The following ZC3H13 variants were observed in gnomAD, a reference collection of about 807,000 sequenced individuals.
ZC3H13 encodes zinc finger CCCH-type containing 13.
Under a neutral mutation model 204.1 loss-of-function variants are expected in ZC3H13, and 64 were observed. The observed-to-expected ratio is 0.31, with a 90% CI of 0.26 to 0.39. ZC3H13 has a LOEUF of 0.39. ZC3H13 is among the 10% of genes least tolerant of loss of function. ZC3H13 has a pLI of 1.00. For synonymous variants in ZC3H13, 667 were observed against 693.7 expected (o/e 0.96, Z 0.60); for missense variants, 1,833 against 2,082.7 (o/e 0.88, Z 2.33).
chr13:45,985,407 T>G lies in ZC3H13; in HGVS notation c.1610A>C (p.Glu537Ala). 2 of 1,614,224 alleles carry G rather than the reference T, an allele frequency of 1.2e-6. No individual in the cohort carries two copies. The highest frequency in any genetic ancestry group is 1.7e-6 in the Non-Finnish European group (2 of 1,180,024). ...RSYGRNHLRE[E>A]SSRTEIRNES... is the part of the protein sequence containing the mutation. ...ATTCCTTATTTCCGTACGAGAACTT[T>G]CTTCTCTCAAATGGTTTCGGCCATA... The change falls in exon 10 of 19, where the codon GAA becomes GCA. Residue 537 changes from glutamate to alanine, a missense_variant. Coordinates refer to ENST00000679008, the MANE Select transcript of ZC3H13 (RefSeq NM_001330564.2).
At chr13:46,032,173 T>C (rs2042938210) in intron 4 of ZC3H13, among the ~76,000 whole-genome samples, 1 of 152,136 alleles carries the variant, frequency 6.6e-6, no homozygotes, top group Admixed American at 6.5e-5. Context: ...GTCCTGCATA[T>C]GCTGGGGGAG....
chr13:46,045,605 G>A (rs1280155582), intron 1 of ZC3H13, 89 bp from the exon 2 acceptor site: 6 of 846,412 alleles, frequency 7.1e-6, no homozygotes, highest in Non-Finnish European at 1.2e-5. Context: ...AAAACTATAG[G>A]TAACAGTGTA....
At chr13:46,048,003 C>T (rs1371342259) in intron 1 of ZC3H13, among the ~76,000 whole-genome samples, 1 of 152,106 alleles carries the variant, frequency 6.6e-6, no homozygotes, top group African/African-American at 2.4e-5. Context: ...TCTCTACTAC[C>T]CCCAACATGC....
chr13:45,970,404 G>A lies in ZC3H13; in HGVS notation c.2530C>T (p.His844Tyr), dbSNP rs775395723. 6.2e-7 allele frequency: 1 copy of A among 1,613,978 alleles called. No homozygotes were observed. The highest frequency in any genetic ancestry group is 8.5e-7 in the Non-Finnish European group (1 of 1,179,882). Residue 844 changes from histidine (H) to tyrosine (Y), a missense_variant, in exon 13 of 19, where the codon CAT becomes TAT. By Grantham distance (83) the His-to-Tyr change is moderately conservative. Transcript: ENST00000679008. The stretch of plus-strand genomic sequence containing the variant: ...TTGTAGGCATCACTGTCCGGAGAAT[G>A]TTCACGCCGGCGCTTCGGGGACTGT... ...PRQSPKRRRE[H>Y]SPDSDAYNSG...
intron 12 of ZC3H13, among the ~76,000 whole-genome samples, chr13:45,972,558 T>C (rs1314252736): frequency 4.6e-5 from 7 of 152,116 alleles, no homozygotes. Flanking sequence ...CAAAAACCTC[T>C]TGTACCCTAA....
At chr13:45,973,265 G>C (rs9567601) in intron 12 of ZC3H13, among the ~76,000 whole-genome samples, 150,279 of 152,324 alleles carry the variant, frequency 0.99, 74,169 homozygotes, top group East Asian at 1. Flanking sequence ...TTAGGCAAAC[G>C]TTCTACATAA....
chr13:46,050,092 G>C (rs1011881080), intron 1 of ZC3H13, among the ~76,000 whole-genome samples: 21 of 151,842 alleles, frequency 1.4e-4, no homozygotes, highest in Non-Finnish European at 2.8e-4. Context: ...ATGAATATCT[G>C]AAGTCTTTAT....
intron 4 of ZC3H13, among the ~76,000 whole-genome samples, chr13:46,037,320 T>C (rs1244964366): frequency 6.6e-6 from 1 of 152,194 alleles, no homozygotes; most frequent in South Asian, 2.1e-4. Flanking sequence ...GCAATACTCA[T>C]AGGGCACCTC....
intron 5 of ZC3H13, among the ~76,000 whole-genome samples, chr13:46,019,632 G>A (rs2042106333): frequency 6.6e-6 from 1 of 152,082 alleles, no homozygotes; most frequent in Admixed American, 6.6e-5. Flanking sequence ...TCAAAGAGGT[G>A]GAGAAAACAT....
intron 10 of ZC3H13, among the ~76,000 whole-genome samples, chr13:45,982,211 AT>A (rs1233659500): frequency 6.6e-6 from 1 of 151,980 alleles, no homozygotes; most frequent in Non-Finnish European, 1.5e-5. Flanking sequence ...TTCTACGGGT[AT>A]TTTAATAATC....
chr13:45,968,848 T>G lies in ZC3H13; in HGVS notation c.3696A>C (p.Ser1232=). Residue 1232 remains serine, a synonymous_variant, in exon 14 of 19, where the codon TCA becomes TCC. Transcript: ENST00000679008. ...GGCTTTTTGTTTTTTCTCTATCTCT[T>G]GAGCCACTGTGCAGTACTCTCTTTC... is the stretch of plus-strand genomic sequence containing the variant. ...SGRKRVLHSG[S]RDREKTKSLE... is the part of the protein sequence containing the mutation. The G allele has an allele frequency of 1.2e-6, 2 of 1,614,116 alleles. No homozygotes were observed. Among genetic ancestry groups the G allele is most frequent in the Non-Finnish European group, 1.7e-6 (2 of 1,179,990 alleles).
At chr13:46,051,133 T>A (rs552840229) in intron 1 of ZC3H13, among the ~76,000 whole-genome samples, 1 of 152,338 alleles carries the variant, frequency 6.6e-6, no homozygotes, top group East Asian at 1.9e-4. Context: ...GATATTACAA[T>A]TTTAATAATT....
At position 45,967,648 on chromosome 13, in the gene ZC3H13, T is replaced by C. The variant is rs1239921756; in HGVS notation, c.4177A>G (p.Lys1393Glu). The change falls in exon 15 of 19, where the codon AAA becomes GAA. Residue 1393 changes from lysine to glutamate, a missense_variant. By Grantham distance (56) the Lys-to-Glu change is moderately conservative. Transcript: ENST00000679008. ...QIESVKRCEA[K>E]LEGEHERDLE... ...TCCCTTTCATGTTCACCTTCCAGTT[T>C]TGCTTCACAGCGTTTCACAGACTCT... The C allele has an allele frequency of 6.2e-7, 1 of 1,614,138 alleles. No homozygotes were observed. Among genetic ancestry groups the C allele is most frequent in the East Asian group, 2.2e-5 (1 of 44,886 alleles).
chr13:46,043,153 T>C (rs1378169122), intron 3 of ZC3H13, among the ~76,000 whole-genome samples: 1 of 151,900 alleles, frequency 6.6e-6, no homozygotes, highest in Non-Finnish European at 1.5e-5. Context: ...CTGTTCCTCT[T>C]TGACTACCAA....
chr13:46,011,032 A>C (rs1430169565), intron 6 of ZC3H13, among the ~76,000 whole-genome samples: 1 of 152,232 alleles, frequency 6.6e-6, no homozygotes, highest in Non-Finnish European at 1.5e-5. Context: ...AAATCATAAA[A>C]TTTCAAAATC....
At chr13:46,043,749 T>G (rs557603241) in intron 3 of ZC3H13, among the ~76,000 whole-genome samples, 1 of 152,116 alleles carries the variant, frequency 6.6e-6, no homozygotes, top group East Asian at 1.9e-4. Context: ...TATTCTTTAT[T>G]CTAAGTCTAG....
intron 4 of ZC3H13, among the ~76,000 whole-genome samples, chr13:46,041,136 A>G (rs2043553647): frequency 2.0e-5 from 3 of 152,186 alleles, no homozygotes; most frequent in Non-Finnish European, 4.4e-5. Flanking sequence ...AAATGTTCAT[A>G]GCAGCATTAT....
chr13:45,989,132 T>C, intron 8 of ZC3H13, 35 bp from the exon 9 acceptor site: 1 of 1,570,244 alleles, frequency 6.4e-7, no homozygotes, highest in Non-Finnish European at 8.7e-7. Context: ...AAACATGTAT[T>C]CAAGAGCTTC....
chr13:45,978,385 A>T (rs2138067822), intron 11 of ZC3H13, among the ~76,000 whole-genome samples: 1 of 152,198 alleles, frequency 6.6e-6, no homozygotes, highest in East Asian at 1.9e-4. Flanking sequence ...ACATCTCATA[A>T]TTATTGAAGT....
Sources: allele counts gnomAD v4.1 joint callset (sites outside exome capture counted in the v4.1 genomes callset), GRCh38; gene constraint gnomAD v4.1.1; transcripts MANE v1.5; gene names NCBI Gene and HGNC (gene_info 2026-07-23, HGNC 2026-07-21).